Variants in TFR2 observed in about 807,000 individuals in gnomAD.
The protein encoded by TFR2 is transferrin receptor protein 2.
In TFR2, 64 loss-of-function variants were observed where a neutral mutation model predicts 91.9. The observed-to-expected ratio is 0.70, with a 90% confidence interval of 0.57 to 0.86. The LOEUF is 0.86. TFR2 is among the 40% of genes least tolerant of loss of function. The pLI is 0.00. For missense variants in TFR2, 950 were observed against 1,080.5 expected, an observed-to-expected ratio of 0.88 and a Z score of 1.69; for synonymous variants, 454 against 459.6, an observed-to-expected ratio of 0.99 and a Z score of 0.15.
intron 17 of TFR2, among the ~76,000 whole-genome samples, chr7:100,624,173 A>C (rs1208735397): frequency 6.6e-6 from 1 of 152,060 alleles, no homozygotes; most frequent in Admixed American, 6.6e-5. Context: ...CAAACTTCTA[A>C]TCCTGGTGTT....
intron 6 of TFR2, 157 bp downstream of exon 6, chr7:100,632,844 T>C: frequency 1.6e-6 from 2 of 1,255,420 alleles, no homozygotes; most frequent in South Asian, 1.3e-5. Flanking sequence ...GTGCTGGGAT[T>C]GCAGGTGAGA....
In TFR2 at chr7:100,626,808, C is replaced by G. The variant is rs748623879; in HGVS notation, c.2091G>C (p.Glu697Asp). The change falls in exon 17 of 18, where the codon GAG (glutamate) becomes GAC (aspartate). Residue 697 changes from glutamate (E) to aspartate (D), a missense_variant. Transcript: ENST00000223051. The part of the protein sequence containing the change: ...KLRQEIYSSE[E>D]RDERLTRMYN... Reference sequence around the variant, plus strand: ...ACATGCGTGTCAGTCGCTCGTCTCTCTCCTCCGAGCTGTAGATCTCCTGCC... The same window carrying G: ...ACATGCGTGTCAGTCGCTCGTCTCTGTCCTCCGAGCTGTAGATCTCCTGCC... The G allele has an allele frequency of 3.2e-6, 5 of 1,548,992 alleles. No individual in the cohort carries two copies. Among genetic ancestry groups the G allele is most frequent in the Non-Finnish European group, 4.4e-6 (5 of 1,146,926 alleles).
chr7:100,635,683 C>T (rs1192922964), intron 3 of TFR2, among the ~76,000 whole-genome samples: 5 of 152,040 alleles, frequency 3.3e-5, no homozygotes, highest in Non-Finnish European at 7.4e-5. Flanking sequence ...AGGCTGGTCT[C>T]GAACTCCTGT....
chr7:100,632,551 CTT>C (rs1266109813), intron 6 of TFR2, among the ~76,000 whole-genome samples: 1 of 127,604 alleles, frequency 7.8e-6, no homozygotes, highest in Admixed American at 7.8e-5. Flanking sequence ...GTTTCTCTCT[CTT>C]TTTTTTTTTT....
chr7:100,632,762 TAGAG>T (rs1803483904), intron 6 of TFR2: 1 of 318,420 alleles, frequency 3.1e-6, no homozygotes, highest in African/African-American at 2.9e-5. Flanking sequence ...TTTTTTTTAG[TAGAG>T]AGGGGGTTCT....
In TFR2 at chr7:100,633,281, G is replaced by C. The variant is rs775428895; in HGVS notation, c.674C>G (p.Pro225Arg). The change falls in exon 5 of 18, where the codon CCG (proline) becomes CGG (arginine). Residue 225 changes from proline to arginine, a missense_variant. Transcript: ENST00000223051. ...DEAGKVGEQL[P>R]LEDPDVYCPY... is the part of the protein sequence containing the mutation. ...GCAGTAGACGTCAGGGTCCTCCAGC[G>C]GCAGCTGCTCTCCGACCTTCCCGGC... The C allele has an allele frequency of 1.2e-6, 2 of 1,613,804 alleles. No individual in the cohort carries two copies. Among genetic ancestry groups the C allele is most frequent in the Admixed American group, 1.7e-5 (1 of 60,022 alleles).
intron 3 of TFR2, among the ~76,000 whole-genome samples, chr7:100,637,262 C>T (rs547812542): frequency 6.6e-6 from 1 of 152,062 alleles, no homozygotes; most frequent in South Asian, 2.1e-4. Context: ...AGCTGGGTGT[C>T]GTGGCGCATG....
chr7:100,628,755 CT>C (rs936979302), intron 10 of TFR2, among the ~76,000 whole-genome samples: 18 of 151,620 alleles, frequency 1.2e-4, no homozygotes, highest in African/African-American at 3.4e-4. Context: ...ATTCATGTCA[CT>C]TTTTTTCTTT....
In TFR2 at chr7:100,633,054, G is replaced by C; in HGVS notation, c.796C>G (p.Pro266Ala). Residue 266 changes from proline (P) to alanine (A), a missense_variant, in exon 6 of 18, where the codon CCA (proline) becomes GCA (alanine). Pro to Ala is a conservative substitution (Grantham distance 27, BLOSUM62 -1). Transcript: ENST00000223051. ...LQDLRARGVDPVGRLLLVRVG... is the reference protein window; with the variant it reads ...LQDLRARGVDAVGRLLLVRVG... ...CGCACCAGCAGCAGGCGGCCCACTG[G>C]ATCCACGCCCCTGGCCCGCAGGTCC... 3.7e-6 allele frequency: 6 copies of C among 1,613,698 alleles called. No individual in the cohort carries two copies. Among genetic ancestry groups the C allele is most frequent in the Non-Finnish European group, 5.1e-6 (6 of 1,179,984 alleles).
At chr7:100,638,088 C>A (rs1428376475) in intron 3 of TFR2, among the ~76,000 whole-genome samples, 1 of 152,026 alleles carries the variant, frequency 6.6e-6, no homozygotes, top group Non-Finnish European at 1.5e-5. Flanking sequence ...ACTGCAAGCT[C>A]CGCCTCCCGG....
chr7:100,629,051 C>T (rs1215016968), intron 10 of TFR2, among the ~76,000 whole-genome samples: 2 of 152,220 alleles, frequency 1.3e-5, no homozygotes, highest in Non-Finnish European at 2.9e-5. Context: ...GCGTGAGCTA[C>T]CGCACCCGGC....
At chr7:100,626,616 G>A in intron 17 of TFR2, 147 bp downstream of exon 17, 1 of 1,463,390 alleles carries the variant, frequency 6.8e-7, no homozygotes, top group Non-Finnish European at 9.0e-7. Flanking sequence ...AGCACTGCGT[G>A]TCCAGGACTG....
intron 9 of TFR2, 66 bp from the exon 10 acceptor site, chr7:100,629,438 C>A: frequency 6.2e-7 from 1 of 1,606,506 alleles, no homozygotes; most frequent in Non-Finnish European, 8.5e-7. Flanking sequence ...CATCCTCCAT[C>A]TGCCTGTGTC....
Position 100,641,007 on chromosome 7 carries a change from C to T in TFR2, c.255G>A (p.Leu85=). The stretch of plus-strand genomic sequence containing the variant: ...TGAAGATCAGCAGGGCCGTCAGGAC[C>T]AGGTAGGGGGCAGCCCTCCGTCCTG... ...AAAGRRAAPY[L]VLTALLIFTG... is the part of the protein sequence containing the mutation. The change falls in exon 2 of 18, where the codon CTG becomes CTA. Residue 85 remains leucine (L), a synonymous_variant. Transcript: ENST00000223051. 6.2e-7 allele frequency: 1 copy of T among 1,605,648 alleles called. No homozygotes were observed. The highest frequency in any genetic ancestry group is 1.1e-5 in the South Asian group (1 of 90,304).
chr7:100,634,119 G>A (rs1803527385), intron 3 of TFR2, among the ~76,000 whole-genome samples: 2 of 149,874 alleles, frequency 1.3e-5, no homozygotes, highest in Admixed American at 1.4e-4. Context: ...CCATCATCCT[G>A]TAGGTTCTTC....
At chr7:100,633,764 A>G in intron 3 of TFR2, 1 of 782,892 alleles carries the variant, frequency 1.3e-6, no homozygotes, top group Non-Finnish European at 1.8e-6. Flanking sequence ...GCTGGAGTGC[A>G]GTGGACCAAT....
At position 100,633,140 on chromosome 7, in the gene TFR2, G is replaced by T. The variant is rs746033859; in HGVS notation, c.727-17C>A. ...CAGCTCTCCCTGGGGACACGAGGAC[G>T]GTGAGGCGCGCTCCCCGCGTCCCTC... On this transcript the variant is annotated splice_polypyrimidine_tract_variant and intron_variant, in intron 5 of 17. Transcript: ENST00000223051. The T allele has an allele frequency of 6.0e-5, 97 of 1,613,088 alleles. No individual in the cohort carries two copies. The South Asian group carries it at 9.8e-4, about 16-fold the overall frequency.
At chr7:100,623,376 A>C (rs940322881) in intron 17 of TFR2, among the ~76,000 whole-genome samples, 1 of 152,230 alleles carries the variant, frequency 6.6e-6, no homozygotes, top group Non-Finnish European at 1.5e-5. Context: ...CAAATCTGTC[A>C]ATTTCTCCTT....
intron 8 of TFR2, among the ~76,000 whole-genome samples, chr7:100,631,329 T>G (rs1021495822): frequency 2.1e-5 from 2 of 95,588 alleles, no homozygotes; most frequent in South Asian, 6.4e-4. Context: ...TTTTTTTTTT[T>G]TAAAGAGTCA....
Sources: allele counts gnomAD v4.1 joint callset (sites outside exome capture counted in the v4.1 genomes callset), GRCh38; gene constraint gnomAD v4.1.1; transcripts MANE v1.5; gene names NCBI Gene and HGNC (gene_info 2026-07-23, HGNC 2026-07-21).